The following SLC22A16 variants were observed in gnomAD, a reference collection of about 807,000 sequenced individuals.
The protein encoded by SLC22A16 is solute carrier family 22 member 16, also known as WUGSC:RG331P03.1.
In SLC22A16, 53 loss-of-function variants were observed where a neutral mutation model predicts 52.9. The observed-to-expected ratio is 1.00, with a 90% CI of 0.80 to 1.26. SLC22A16 has a LOEUF of 1.26. Among genes scored for constraint, SLC22A16 ranks in the 50% most tolerant of loss-of-function variants. The pLI, the probability that SLC22A16 is intolerant of heterozygous loss-of-function variation, is 0.00. For synonymous variants in SLC22A16, 291 were observed against 268.8 expected, an observed-to-expected ratio of 1.08 and a Z score of -0.81; for missense variants, 726 against 704.0, an observed-to-expected ratio of 1.03 and a Z score of -0.35.
At chr6:110,451,806 T>C (rs1327561534) in intron 2 of SLC22A16, among the ~76,000 whole-genome samples, 1 of 152,214 alleles carries the variant, frequency 6.6e-6, no homozygotes. Flanking sequence ...ATGATCAATG[T>C]TTTTTGTGTT....
chr6:110,437,596 C>A (rs1390274102), intron 5 of SLC22A16, among the ~76,000 whole-genome samples: 1 of 152,080 alleles, frequency 6.6e-6, no homozygotes, highest in Admixed American at 6.5e-5. Flanking sequence ...AAATTTCAAA[C>A]GATATGCAAA....
At chr6:110,438,595 AAATATTAT>A in intron 5 of SLC22A16, 117 bp downstream of exon 5, 1 of 962,178 alleles carries the variant, frequency 1.0e-6, no homozygotes, top group Middle Eastern at 3.5e-4. Context: ...ACAGATTTTT[AAATATTAT>A]ATACTCTGCC....
chr6:110,450,431 G>A (rs547213982), intron 2 of SLC22A16, among the ~76,000 whole-genome samples: 1 of 151,880 alleles, frequency 6.6e-6, no homozygotes, highest in African/African-American at 2.4e-5. Context: ...GGCCAACATG[G>A]TGAAACCCCT....
chr6:110,456,573 T>C lies in SLC22A16; in HGVS notation c.498A>G (p.Leu166=), dbSNP rs1193892719. 2 of 1,614,076 alleles carry C rather than the reference T, an allele frequency of 1.2e-6. No individual in the cohort carries two copies. The highest frequency in any genetic ancestry group is 1.7e-6 in the Non-Finnish European group (2 of 1,180,038). ...AGTAGCCAAAAGTCACCGATCCCAGTAGGACTCCAAACATAAATAGGGGCT... is the reference window on the plus strand; with the variant it reads ...AGTAGCCAAAAGTCACCGATCCCAGCAGGACTCCAAACATAAATAGGGGCT... ...LIQPLFMFGV[L]LGSVTFGYFS... The change falls in exon 2 of 8, where the codon CTA becomes CTG. Residue 166 remains leucine (L), a synonymous_variant. Transcript: ENST00000368919.
intron 1 of SLC22A16, among the ~76,000 whole-genome samples, chr6:110,465,297 G>C (rs1211181366): frequency 6.6e-6 from 1 of 151,898 alleles, no homozygotes; most frequent in Non-Finnish European, 1.5e-5. Flanking sequence ...CCTAAACATA[G>C]CAATTAGGTA....
At chr6:110,440,422 AG>A (rs1476567595) in intron 4 of SLC22A16, 1 of 152,382 alleles carries the variant, frequency 6.6e-6, no homozygotes, top group African/African-American at 2.4e-5. Flanking sequence ...GAAGGCAGAA[AG>A]GGAGAGACTA....
Position 110,454,802 on chromosome 6 carries a change from T to TATATATATTATA in SLC22A16, c.533+1724_533+1735dup, listed in dbSNP as rs1340113615. Among the ~76,000 whole-genome samples, 16 of 60,006 alleles carry TATATATATTATA rather than the reference T, an allele frequency of 2.7e-4. 1 individual carries two copies. The highest frequency in any genetic ancestry group is 4.5e-4 in the Non-Finnish European group (16 of 35,428). 39.4% of individuals were successfully genotyped at this position (60,006 alleles called of 152,430 possible). The stretch of plus-strand genomic sequence containing the variant: ...TATATAAATATATAAATATATATAA[T>TATATATATTATA]ATATATATTATATATGTTATATTAT... On this transcript the variant is annotated intron_variant, in intron 2 of 7. Coordinates refer to ENST00000368919, the MANE Select transcript of SLC22A16 (RefSeq NM_033125.4).
chr6:110,455,877 C>T (rs1432851829), intron 2 of SLC22A16: 4 of 152,380 alleles, frequency 2.6e-5, no homozygotes, highest in African/African-American at 4.8e-5. Context: ...TTATCCCATC[C>T]AAAGGATGCA....
intron 1 of SLC22A16, among the ~76,000 whole-genome samples, chr6:110,461,808 C>A (rs1194380398): frequency 6.6e-6 from 1 of 152,122 alleles, no homozygotes; most frequent in African/African-American, 2.4e-5. Flanking sequence ...GCCACACCCT[C>A]AAGTGAAAAA....
At chr6:110,426,777 T>C (rs183579055) in intron 7 of SLC22A16, among the ~76,000 whole-genome samples, 1 of 152,038 alleles carries the variant, frequency 6.6e-6, no homozygotes, top group East Asian at 1.9e-4. Context: ...ATGGTGAAAC[T>C]CTGTCTCTAC....
At chr6:110,433,200 T>A (rs1774576729) in intron 6 of SLC22A16, among the ~76,000 whole-genome samples, 1 of 152,198 alleles carries the variant, frequency 6.6e-6, no homozygotes, top group Non-Finnish European at 1.5e-5. Flanking sequence ...AGGGAGTTAT[T>A]CCTCTGCTAT....
Position 110,424,856 on chromosome 6 carries a change from C to T in SLC22A16, c.*17G>A, listed in dbSNP as rs1396410755. ...GGTAAATAATATTTCAGGTGCTAGA[C>T]AGCAGGCATGGCACATTTATTCACC... On this transcript the variant is annotated 3_prime_UTR_variant, in exon 8 of 8. Transcript: ENST00000368919. 6.2e-7 allele frequency: 1 copy of T among 1,614,068 alleles called. No individual in the cohort carries two copies. The highest frequency in any genetic ancestry group is 8.5e-7 in the Non-Finnish European group (1 of 1,179,968).
chr6:110,443,451 T>C (rs1775052328), intron 3 of SLC22A16, among the ~76,000 whole-genome samples: 1 of 152,090 alleles, frequency 6.6e-6, no homozygotes, highest in Admixed American at 6.6e-5. Flanking sequence ...ATACAAATTT[T>C]TACCAATCAT....
At chr6:110,441,583 G>C (rs577770302) in intron 4 of SLC22A16, among the ~76,000 whole-genome samples, 46 of 152,326 alleles carry the variant, frequency 3.0e-4, no homozygotes, top group African/African-American at 6.7e-4. Context: ...TTGCTTGTTA[G>C]CTTTCTGGAG....
intron 2 of SLC22A16, among the ~76,000 whole-genome samples, chr6:110,452,647 C>T (rs1249762869): frequency 6.6e-6 from 1 of 151,808 alleles, no homozygotes; most frequent in East Asian, 1.9e-4. Context: ...ACAGCCTGGG[C>T]AACATAGCAA....
In SLC22A16 at chr6:110,425,230, T is replaced by C. The variant is rs1338360719; in HGVS notation, c.1522-145A>G. Reference sequence around the variant, plus strand: ...CACTGTGATTACTCGGTGAGATCTTTGGTTACTTGTGCTGGACTTCGAGTT... The same window carrying C: ...CACTGTGATTACTCGGTGAGATCTTCGGTTACTTGTGCTGGACTTCGAGTT... On this transcript the variant is annotated intron_variant, in intron 7 of 7. Transcript: ENST00000368919. 6 of 1,517,720 alleles carry C rather than the reference T, an allele frequency of 4.0e-6. No homozygotes were observed. In the East Asian group the frequency reaches 7.4e-5, roughly 19 times the overall value. 94.0% of individuals were successfully genotyped at this position (1,517,720 alleles called of 1,614,324 possible).
intron 7 of SLC22A16, among the ~76,000 whole-genome samples, chr6:110,427,260 A>AAAAAAAAAAAAG (rs538137410): frequency 1.2e-4 from 17 of 137,934 alleles, no homozygotes; most frequent in South Asian, 2.3e-4. Flanking sequence ...AAAAAAAAAA[A>AAAAAAAAAAAAG]AAAAGAAAAA....
chr6:110,449,257 C>T (rs1252799168), intron 2 of SLC22A16, among the ~76,000 whole-genome samples: 3 of 151,928 alleles, frequency 2.0e-5, no homozygotes, highest in African/African-American at 2.4e-5. Flanking sequence ...TAAAACATCC[C>T]TCTCACCTGG....
rs555896287 is a variant in SLC22A16, at chr6:110,438,819, G to A, written c.1212C>T (p.Phe404=). ...CGACCTTGTCCATGGCGATGCACAC[G>A]AAGGTGTAGGCGGGAATTTCCACTA... is the stretch of plus-strand genomic sequence containing the variant. ...LGVVEIPAYT[F]VCIAMDKVGR... is the part of the protein sequence containing the mutation. The change falls in exon 5 of 8, where the codon TTC becomes TTT. Residue 404 remains phenylalanine, a synonymous_variant. Transcript: ENST00000368919. 2.3e-5 allele frequency: 37 copies of A among 1,613,972 alleles called. No individual in the cohort carries two copies. The highest frequency in any genetic ancestry group is 6.7e-5 in the Admixed American group (4 of 60,004).
Sources: allele counts gnomAD v4.1 joint callset (sites outside exome capture counted in the v4.1 genomes callset), GRCh38; gene constraint gnomAD v4.1.1; transcripts MANE v1.5; gene names NCBI Gene and HGNC (gene_info 2026-07-23, HGNC 2026-07-21).